CSMD1: variants seen among roughly 807,000 people sequenced by gnomAD.
CSMD1 encodes CUB and sushi domain-containing protein 1.
CSMD1 carries 213 observed loss-of-function variants against 417.5 expected under a neutral mutation model. The ratio of observed to expected loss-of-function variants is 0.51; its 90% CI spans 0.46 to 0.57. The LOEUF is 0.57. Ranked by LOEUF, CSMD1 falls within the 20% of genes least tolerant of loss-of-function variation. CSMD1 has a pLI of 0.00. For missense variants in CSMD1, 6,923 were observed against 4,529.7 expected (o/e 1.53, Z -15.17); for synonymous variants, 2,862 against 1,736.8 (o/e 1.65, Z -16.11).
At chr8:3,767,593 C>G (rs1232577218) in intron 5 of CSMD1, among the ~76,000 whole-genome samples, 1 of 152,184 alleles carries the variant, frequency 6.6e-6, no homozygotes, top group African/African-American at 2.4e-5. Flanking sequence ...GTGTGTGGAT[C>G]TATCTCTCAA....
chr8:4,234,998 C>G (rs1022802847), intron 3 of CSMD1, among the ~76,000 whole-genome samples: 1 of 152,162 alleles, frequency 6.6e-6, no homozygotes, highest in African/African-American at 2.4e-5. Context: ...ATCCCAAAAG[C>G]TCTAAATACC....
intron 3 of CSMD1, among the ~76,000 whole-genome samples, chr8:4,055,002 A>T (rs3860862): frequency 0.12 from 17,850 of 152,254 alleles, 1,575 homozygotes; most frequent in East Asian, 0.35. Flanking sequence ...AATGTCATAT[A>T]AATGTGTGTG....
At chr8:3,475,459 G>C (rs1251837699) in intron 11 of CSMD1, among the ~76,000 whole-genome samples, 1 of 152,072 alleles carries the variant, frequency 6.6e-6, no homozygotes, top group African/African-American at 2.4e-5. Flanking sequence ...GTAAATCTTA[G>C]TGTTATGTTA....
At chr8:4,644,918 TGGGA>T (rs1483687886) in intron 1 of CSMD1, among the ~76,000 whole-genome samples, 1 of 152,152 alleles carries the variant, frequency 6.6e-6, no homozygotes, top group African/African-American at 2.4e-5. Context: ...AGTGCATGTG[TGGGA>T]GGTAGAGGTG....
chr8:4,449,808 T>G (rs904188701), intron 2 of CSMD1, among the ~76,000 whole-genome samples: 1 of 152,038 alleles, frequency 6.6e-6, no homozygotes, highest in Non-Finnish European at 1.5e-5. Context: ...AACAGAGCCC[T>G]GCAAGCTTCC....
At chr8:4,817,275 C>T (rs62484629) in intron 1 of CSMD1, among the ~76,000 whole-genome samples, 1 of 152,208 alleles carries the variant, frequency 6.6e-6, no homozygotes, top group Non-Finnish European at 1.5e-5. Context: ...AATATGTGTG[C>T]CAGGCCTGCC....
chr8:3,375,904 CG>C (rs1429604516), intron 18 of CSMD1, among the ~76,000 whole-genome samples: 2 of 152,154 alleles, frequency 1.3e-5, no homozygotes, highest in Admixed American at 6.6e-5. Context: ...CATTTCTTCA[CG>C]TTGAAACATG....
chr8:4,881,405 G>A (rs1396114454), intron 1 of CSMD1, among the ~76,000 whole-genome samples: 3 of 149,208 alleles, frequency 2.0e-5, no homozygotes, highest in Admixed American at 1.3e-4. Flanking sequence ...AATATACCTA[G>A]TATACATATC....
intron 5 of CSMD1, among the ~76,000 whole-genome samples, chr8:3,827,411 G>T (rs1363413671): frequency 6.6e-6 from 1 of 152,170 alleles, no homozygotes; most frequent in Non-Finnish European, 1.5e-5. Context: ...TACCTATATA[G>T]TTGGAAAAAT....
In CSMD1 at chr8:3,726,972, T is replaced by C. The variant is rs554238283; in HGVS notation, c.932-18481A>G. Reference sequence around the variant, plus strand: ...CTCTGAAGAATTACATTTATGAATATACATACCACCAGTAAACACTGTGAA... The same window carrying C: ...CTCTGAAGAATTACATTTATGAATACACATACCACCAGTAAACACTGTGAA... On this transcript the variant is annotated intron_variant, in intron 6 of 69. Transcript: ENST00000635120. 3.8e-4 allele frequency among the ~76,000 whole-genome samples: 58 copies of C among 152,332 alleles called. 1 individual carries two copies. In the South Asian group the frequency reaches 0.011, roughly 29 times the overall value.
At chr8:3,473,125 A>G (rs1036760349) in intron 11 of CSMD1, among the ~76,000 whole-genome samples, 2 of 152,226 alleles carry the variant, frequency 1.3e-5, no homozygotes, top group African/African-American at 4.8e-5. Context: ...TATACTGTCT[A>G]TTCAACTACT....
chr8:3,626,619 G>A lies in CSMD1; in HGVS notation c.1010-9822C>T, dbSNP rs568257243. ...CCATGAGATATGATTTGAATGATGA[G>A]TCCCCACAGAAAGTTTCTTTTTGAT... On this transcript the variant is annotated intron_variant, in intron 7 of 69. Transcript: ENST00000635120. 2.0e-5 allele frequency among the ~76,000 whole-genome samples: 3 copies of A among 151,518 alleles called. No homozygotes were observed. The East Asian group carries it at 5.8e-4, about 29-fold the overall frequency.
chr8:4,336,524 G>C (rs1040511083), intron 3 of CSMD1, among the ~76,000 whole-genome samples: 1 of 152,172 alleles, frequency 6.6e-6, no homozygotes, highest in African/African-American at 2.4e-5. Context: ...CCAATAACGT[G>C]TTCGATGAAT....
chr8:3,934,513 G>A lies in CSMD1; in HGVS notation c.818+63390C>T, dbSNP rs550572705. On this transcript the variant is annotated intron_variant, in intron 5 of 69. Transcript: ENST00000635120. ...TAATAATTGAAGGAAAGGTAATGAG[G>A]CCAGACCTAAACAAGTGCTGCCTTT... is the stretch of plus-strand genomic sequence containing the variant. Among the ~76,000 whole-genome samples, 54 of 152,174 alleles carry A rather than the reference G, an allele frequency of 3.5e-4. 2 individuals are homozygous for A. Among genetic ancestry groups the A allele is most frequent in the South Asian group, 2.3e-3 (11 of 4,812 alleles).
chr8:3,451,621 C>A (rs566796825), intron 12 of CSMD1, among the ~76,000 whole-genome samples: 1 of 152,060 alleles, frequency 6.6e-6, no homozygotes, highest in South Asian at 2.1e-4. Flanking sequence ...AGAGCAGATA[C>A]TTGTAGATAT....
chr8:4,899,171 C>T (rs534129893), intron 1 of CSMD1, among the ~76,000 whole-genome samples: 2 of 152,268 alleles, frequency 1.3e-5, no homozygotes, highest in Admixed American at 1.3e-4. Flanking sequence ...CTCTCAACTG[C>T]ATTTATATGT....
At chr8:4,171,900 T>G (rs1002988836) in intron 3 of CSMD1, among the ~76,000 whole-genome samples, 1 of 152,200 alleles carries the variant, frequency 6.6e-6, no homozygotes, top group Non-Finnish European at 1.5e-5. Context: ...ATTGTCTGCA[T>G]GTTTTTACAT....
intron 12 of CSMD1, among the ~76,000 whole-genome samples, chr8:3,418,650 G>A (rs1245573482): frequency 6.6e-6 from 1 of 152,216 alleles, no homozygotes; most frequent in Non-Finnish European, 1.5e-5. Flanking sequence ...GCAACGTAAT[G>A]AGAAGCAGGT....
intron 3 of CSMD1, among the ~76,000 whole-genome samples, chr8:4,359,184 C>G (rs1249709585): frequency 6.6e-6 from 1 of 152,130 alleles, no homozygotes; most frequent in African/African-American, 2.4e-5. Flanking sequence ...TCAGCAATTT[C>G]ACAAAAGTCC....
Sources: allele counts gnomAD v4.1 joint callset (sites outside exome capture counted in the v4.1 genomes callset), GRCh38; gene constraint gnomAD v4.1.1; transcripts MANE v1.5; gene names NCBI Gene and HGNC (gene_info 2026-07-23, HGNC 2026-07-21).